NXPE2: variants seen among roughly 807,000 people sequenced by gnomAD.
The protein encoded by NXPE2 is neurexophilin and PC-esterase domain family member 2.
In NXPE2, 34 loss-of-function variants were observed where a neutral mutation model predicts 34.4. The observed-to-expected ratio is 0.99, with a 90% CI of 0.75 to 1.31. The LOEUF (loss-of-function observed/expected upper bound fraction) is 1.31, where lower values mean the gene tolerates loss of function less well. Among genes scored for constraint, NXPE2 ranks in the 40% most tolerant of loss-of-function variants. NXPE2 has a pLI of 0.00. For missense variants in NXPE2, 649 were observed against 672.5 expected (o/e 0.97, Z 0.39); for synonymous variants, 235 against 231.3 (o/e 1.02, Z -0.15).
At chr11:114,798,950 C>T in the NXPE2 span, among the ~76,000 whole-genome samples, 1 of 152,228 alleles carries the variant, frequency 6.6e-6, no homozygotes, top group Non-Finnish European at 1.5e-5. Flanking sequence ...GCTTTCTCCA[C>T]ACTGTCGTAT....
chr11:114,662,053 T>C, the NXPE2 span, among the ~76,000 whole-genome samples: 2 of 152,122 alleles, frequency 1.3e-5, no homozygotes, highest in African/African-American at 2.4e-5. Flanking sequence ...ATTTAACAAC[T>C]ATCGACACAA....
the NXPE2 span, among the ~76,000 whole-genome samples, chr11:114,736,565 A>G: frequency 9.2e-5 from 14 of 152,184 alleles, no homozygotes; most frequent in Admixed American, 7.2e-4. Flanking sequence ...AGGTGCCCAG[A>G]TTTCATATTG....
At chr11:114,483,705 G>T in the NXPE2 span, among the ~76,000 whole-genome samples, 6 of 152,318 alleles carry the variant, frequency 3.9e-5, no homozygotes, top group South Asian at 6.2e-4. Context: ...GTTTAAGCGG[G>T]TATCTTTCAG....
At chr11:114,633,038 T>G in the NXPE2 span, among the ~76,000 whole-genome samples, 1 of 113,488 alleles carries the variant, frequency 8.8e-6, no homozygotes, top group African/African-American at 3.6e-5. Context: ...AATATTTTAT[T>G]ATATAATTGC....
chr11:114,635,949 G>A, the NXPE2 span, among the ~76,000 whole-genome samples: 3 of 152,106 alleles, frequency 2.0e-5, no homozygotes, highest in African/African-American at 4.8e-5. Context: ...TTCTCTGCCC[G>A]TCTTTGGTAT....
At chr11:114,631,670 T>C in the NXPE2 span, among the ~76,000 whole-genome samples, 2 of 151,954 alleles carry the variant, frequency 1.3e-5, no homozygotes, top group African/African-American at 4.8e-5. Context: ...ACTTAAAGTA[T>C]ATATATAAAA....
chr11:114,698,916 A>C, intron 3 of NXPE2, 138 bp downstream of exon 3: 3 of 847,788 alleles, frequency 3.5e-6, no homozygotes, highest in African/African-American at 1.7e-5. Flanking sequence ...GAGTCAGTTC[A>C]GCTTGGAGTG....
chr11:114,552,894 G>T, the NXPE2 span: 30 of 972,864 alleles, frequency 3.1e-5, no homozygotes, highest in Non-Finnish European at 3.5e-5. Context: ...AAAATAAGGA[G>T]AAGCAGCAAA....
At chr11:114,580,365 C>T in the NXPE2 span, 1 of 1,593,980 alleles carries the variant, frequency 6.3e-7, no homozygotes, top group Non-Finnish European at 8.6e-7. Context: ...GAGATAGGAT[C>T]TTCCAAAACA....
the NXPE2 span, among the ~76,000 whole-genome samples, chr11:114,642,827 AG>A: frequency 2.6e-5 from 4 of 152,088 alleles, no homozygotes; most frequent in Non-Finnish European, 5.9e-5. Flanking sequence ...TAGATCCTTG[AG>A]GAATCGCCAC....
chr11:114,762,472 T>C, the NXPE2 span, among the ~76,000 whole-genome samples: 2 of 152,200 alleles, frequency 1.3e-5, no homozygotes, highest in African/African-American at 4.8e-5. Flanking sequence ...ATAATTGTTT[T>C]CCATACACCA....
chr11:114,662,502 G>A, the NXPE2 span, among the ~76,000 whole-genome samples: 1 of 152,170 alleles, frequency 6.6e-6, no homozygotes. Flanking sequence ...GCTGCTACTA[G>A]TGCTGAACTT....
chr11:114,489,629 C>T, the NXPE2 span, among the ~76,000 whole-genome samples: 17 of 152,184 alleles, frequency 1.1e-4, no homozygotes, highest in African/African-American at 4.1e-4. Context: ...TCAACAGATG[C>T]AGAAAAGGCC....
chr11:114,668,756 A>G, the NXPE2 span, among the ~76,000 whole-genome samples: 3 of 152,166 alleles, frequency 2.0e-5, no homozygotes, highest in Non-Finnish European at 4.4e-5. Context: ...TTGTAAATAT[A>G]GAAGCCAACT....
chr11:114,520,328 T>A, the NXPE2 span, among the ~76,000 whole-genome samples: 5 of 152,194 alleles, frequency 3.3e-5, no homozygotes, highest in Admixed American at 6.5e-5. Context: ...TTAAGTTCCA[T>A]ATATAAGTGA....
At chr11:114,748,058 G>A in the NXPE2 span, among the ~76,000 whole-genome samples, 85 of 152,210 alleles carry the variant, frequency 5.6e-4, no homozygotes, top group Middle Eastern at 3.4e-3. Context: ...AAGTCATCTG[G>A]TGTTTGTCTT....
At chr11:114,582,700 C>T in the NXPE2 span, 1 of 1,614,122 alleles carries the variant, frequency 6.2e-7, no homozygotes, top group Non-Finnish European at 8.5e-7. Context: ...GACATCCTGG[C>T]CCTCAGGAAA....
chr11:114,659,677 T>G, the NXPE2 span, among the ~76,000 whole-genome samples: 1 of 152,026 alleles, frequency 6.6e-6, no homozygotes, highest in Non-Finnish European at 1.5e-5. Context: ...TAAAGCAGTG[T>G]TTGAGGGATA....
chr11:114,712,729 A>G, the NXPE2 span, among the ~76,000 whole-genome samples: 3 of 152,320 alleles, frequency 2.0e-5, no homozygotes, highest in Admixed American at 1.3e-4. Flanking sequence ...TCACAAATTA[A>G]AAGTAGAATT....
Sources: allele counts gnomAD v4.1 joint callset (sites outside exome capture counted in the v4.1 genomes callset), GRCh38; gene constraint gnomAD v4.1.1; transcripts MANE v1.5; gene names NCBI Gene and HGNC (gene_info 2026-07-23, HGNC 2026-07-21).